The following CSMD1 variants were observed in gnomAD, a reference collection of about 807,000 sequenced individuals.
The protein encoded by CSMD1 is CUB and sushi domain-containing protein 1.
A neutral mutation model predicts 417.5 loss-of-function variants in CSMD1; 213 were observed. That is an observed-to-expected ratio of 0.51 (90% CI 0.46 to 0.57). The LOEUF is 0.57. Among genes scored for constraint, CSMD1 ranks in the 20% least tolerant of loss-of-function variants. CSMD1 has a pLI of 0.00. For synonymous variants in CSMD1, 2,862 were observed against 1,736.8 expected (o/e 1.65, Z -16.11); for missense variants, 6,923 against 4,529.7 (o/e 1.53, Z -15.17).
At chr8:3,680,484 C>G (rs1311113483) in intron 7 of CSMD1, among the ~76,000 whole-genome samples, 7 of 152,082 alleles carry the variant, frequency 4.6e-5, no homozygotes, top group South Asian at 2.1e-4. Flanking sequence ...AAGACTAAAC[C>G]AGGAAGAAGT....
chr8:4,036,697 A>G (rs1417071508), intron 3 of CSMD1, among the ~76,000 whole-genome samples: 1 of 152,226 alleles, frequency 6.6e-6, no homozygotes, highest in Non-Finnish European at 1.5e-5. Flanking sequence ...TTCTCATTGT[A>G]TCTGACGTAA....
intron 3 of CSMD1, among the ~76,000 whole-genome samples, chr8:4,126,707 C>T (rs577303964): frequency 6.6e-6 from 1 of 152,306 alleles, no homozygotes; most frequent in South Asian, 2.1e-4. Flanking sequence ...ACTTCACTCT[C>T]CTGGAAGCTG....
chr8:3,458,218 C>A (rs1459115400), intron 12 of CSMD1, among the ~76,000 whole-genome samples: 1 of 152,126 alleles, frequency 6.6e-6, no homozygotes, highest in Non-Finnish European at 1.5e-5. Context: ...GCTAACGGGC[C>A]ACTAACACTG....
chr8:3,342,790 G>T (rs911303472), intron 23 of CSMD1, among the ~76,000 whole-genome samples: 1 of 151,968 alleles, frequency 6.6e-6, no homozygotes, highest in African/African-American at 2.4e-5. Flanking sequence ...TAGTTCTCTC[G>T]TCTCAAAAAT....
At chr8:3,296,339 A>C (rs761252387) in intron 25 of CSMD1, among the ~76,000 whole-genome samples, 29 of 151,982 alleles carry the variant, frequency 1.9e-4, no homozygotes, top group Non-Finnish European at 2.6e-4. Context: ...GCCAGGAGCC[A>C]GTGCAGCAAG....
At chr8:3,483,680 A>T in intron 11 of CSMD1, among the ~76,000 whole-genome samples, 1 of 152,132 alleles carries the variant, frequency 6.6e-6, no homozygotes, top group African/African-American at 2.4e-5. Flanking sequence ...AGGCAGTACA[A>T]AAAAGAAAGA....
At chr8:3,706,757 T>TA (rs1801191323) in intron 7 of CSMD1, among the ~76,000 whole-genome samples, 1 of 150,572 alleles carries the variant, frequency 6.6e-6, no homozygotes, top group African/African-American at 2.4e-5. Context: ...GGTTTTATCA[T>TA]AAAAATCATT....
At chr8:3,086,991 T>A (rs995847926) in intron 49 of CSMD1, 106 bp downstream of exon 49, 10 of 1,049,736 alleles carry the variant, frequency 9.5e-6, no homozygotes, top group Non-Finnish European at 1.4e-5. Context: ...CATTCAATTT[T>A]TCCTTACCTT....
chr8:3,930,458 C>T lies in CSMD1; in HGVS notation c.818+67445G>A, dbSNP rs112225732. Among the ~76,000 whole-genome samples, 127 of 150,590 alleles carry T rather than the reference C, an allele frequency of 8.4e-4. 9 individuals are homozygous for T. The highest frequency in any genetic ancestry group is 3.1e-3 in the African/African-American group (125 of 40,864). ...CTGTTCTTCTTCCTTATTTGAAGGTCTTTTTACCTTTCTCACCATTCCACA... is the reference window on the plus strand; with the variant it reads ...CTGTTCTTCTTCCTTATTTGAAGGTTTTTTTACCTTTCTCACCATTCCACA... On this transcript the variant is annotated intron_variant, in intron 5 of 69. Coordinates refer to ENST00000635120, the MANE Select transcript of CSMD1 (RefSeq NM_033225.6).
chr8:4,052,581 C>T (rs572660667), intron 3 of CSMD1, among the ~76,000 whole-genome samples: 1 of 152,172 alleles, frequency 6.6e-6, no homozygotes, highest in Admixed American at 6.5e-5. Context: ...TCACGAAATT[C>T]TTGCCTTTCC....
intron 1 of CSMD1, among the ~76,000 whole-genome samples, chr8:4,959,315 G>T (rs1809325329): frequency 6.6e-6 from 1 of 152,146 alleles, no homozygotes; most frequent in Admixed American, 6.5e-5. Flanking sequence ...AGGAATTTCT[G>T]GGACCTTCTT....
chr8:3,450,677 G>T (rs976360712), intron 12 of CSMD1, among the ~76,000 whole-genome samples: 3 of 152,138 alleles, frequency 2.0e-5, no homozygotes, highest in Non-Finnish European at 4.4e-5. Flanking sequence ...GTATTCCATG[G>T]TGTATATGTG....
At chr8:4,054,191 C>A (rs1352369370) in intron 3 of CSMD1, among the ~76,000 whole-genome samples, 2 of 152,070 alleles carry the variant, frequency 1.3e-5, no homozygotes, top group African/African-American at 2.4e-5. Flanking sequence ...GAACGCACGG[C>A]CATGAGAAGA....
intron 2 of CSMD1, among the ~76,000 whole-genome samples, chr8:4,474,377 T>G (rs1359332780): frequency 2.0e-5 from 3 of 152,136 alleles, no homozygotes; most frequent in Admixed American, 6.5e-5. Context: ...TTGAGCTGAT[T>G]AGAATAAGAG....
intron 3 of CSMD1, among the ~76,000 whole-genome samples, chr8:4,159,601 T>C (rs1035490533): frequency 1.3e-5 from 2 of 152,160 alleles, no homozygotes; most frequent in African/African-American, 2.4e-5. Flanking sequence ...TTATTATTAT[T>C]ATTGTGAGAC....
chr8:4,123,013 G>A (rs754554878), intron 3 of CSMD1, among the ~76,000 whole-genome samples: 1 of 152,196 alleles, frequency 6.6e-6, no homozygotes, highest in Non-Finnish European at 1.5e-5. Flanking sequence ...TTCCAGCTTT[G>A]ACAAATTACA....
chr8:3,788,335 G>C (rs1471439025), intron 5 of CSMD1, among the ~76,000 whole-genome samples: 1 of 152,146 alleles, frequency 6.6e-6, no homozygotes, highest in Non-Finnish European at 1.5e-5. Flanking sequence ...ATGGGCTTTA[G>C]GTACCCTGAG....
intron 4 of CSMD1, among the ~76,000 whole-genome samples, chr8:4,012,706 G>T (rs73182063): frequency 1.3e-5 from 2 of 152,080 alleles, no homozygotes; most frequent in African/African-American, 4.8e-5. Context: ...CAACTCCATA[G>T]AATGTCTAAA....
chr8:4,899,396 G>A (rs1420671364), intron 1 of CSMD1, among the ~76,000 whole-genome samples: 4 of 152,216 alleles, frequency 2.6e-5, no homozygotes, highest in East Asian at 3.9e-4. Context: ...TTATTTGGAA[G>A]GATATAAACA....
Sources: gnomAD v4.1 joint callset for allele counts (sites outside exome capture counted in the v4.1 genomes callset) on GRCh38, gnomAD v4.1.1 for gene constraint, MANE v1.5 for transcripts, NCBI Gene and HGNC (gene_info 2026-07-23, HGNC 2026-07-21) for gene names.